Variants in CDC14B observed in about 807,000 individuals in gnomAD.
The protein encoded by CDC14B is dual specificity protein phosphatase CDC14B.
CDC14B carries 22 observed loss-of-function variants against 64.2 expected under a neutral mutation model. The observed-to-expected ratio is 0.34, with a 90% CI of 0.24 to 0.49. The LOEUF (loss-of-function observed/expected upper bound fraction) is 0.49. CDC14B is among the 20% of genes least tolerant of loss of function. The pLI, the probability that CDC14B is intolerant of heterozygous loss-of-function variation, is 0.99. For missense variants in CDC14B, 498 were observed against 629.9 expected (o/e 0.79, Z 2.24); for synonymous variants, 191 against 215.8 (o/e 0.89, Z 1.01).
chr9:96,578,858 G>A (rs1844965305), intron 1 of CDC14B, among the ~76,000 whole-genome samples: 1 of 152,146 alleles, frequency 6.6e-6, no homozygotes, highest in Non-Finnish European at 1.5e-5. Flanking sequence ...TCACTCTGTT[G>A]CCCAGGCTGG....
At chr9:96,600,088 AAAT>A (rs1846334828) in intron 1 of CDC14B, among the ~76,000 whole-genome samples, 2 of 152,028 alleles carry the variant, frequency 1.3e-5, no homozygotes, top group South Asian at 2.1e-4. Flanking sequence ...AAAAAGGGTA[AAAT>A]AATAACTTTT....
At chr9:96,596,379 A>C (rs75179348) in intron 1 of CDC14B, among the ~76,000 whole-genome samples, 9 of 150,654 alleles carry the variant, frequency 6.0e-5, no homozygotes, top group South Asian at 2.1e-4. Flanking sequence ...AAAAAAAAAA[A>C]ACACACAAAA....
chr9:96,559,299 A>G (rs1285926345), intron 4 of CDC14B, among the ~76,000 whole-genome samples: 1 of 152,262 alleles, frequency 6.6e-6, no homozygotes, highest in African/African-American at 2.4e-5. Flanking sequence ...AAAAATAAAC[A>G]GAGTCAGTCT....
chr9:96,592,968 CTT>C (rs1845870395), intron 1 of CDC14B, among the ~76,000 whole-genome samples: 1 of 152,088 alleles, frequency 6.6e-6, no homozygotes, highest in African/African-American at 2.4e-5. Context: ...ACTCCTCAGT[CTT>C]TAATTTCTAA....
chr9:96,606,571 G>A (rs925830912), intron 1 of CDC14B, among the ~76,000 whole-genome samples: 3 of 146,586 alleles, frequency 2.0e-5, no homozygotes, highest in Non-Finnish European at 4.5e-5. Flanking sequence ...GTGTGTGTGT[G>A]TGTGTGTTTC....
chr9:96,527,435 C>T (rs897361677), intron 9 of CDC14B, among the ~76,000 whole-genome samples: 1 of 151,990 alleles, frequency 6.6e-6, no homozygotes, highest in Admixed American at 6.6e-5. Context: ...TTGGTTAATT[C>T]GGAAACTTGT....
At chr9:96,598,159 T>G (rs1477936973) in intron 1 of CDC14B, among the ~76,000 whole-genome samples, 1 of 152,198 alleles carries the variant, frequency 6.6e-6, no homozygotes, top group East Asian at 1.9e-4. Context: ...GCATAAAAAT[T>G]GGAAACAGCC....
In CDC14B at chr9:96,619,401, G is replaced by A; in HGVS notation, c.-23C>T. On this transcript the variant is annotated 5_prime_UTR_variant, in exon 1 of 14. Transcript: ENST00000375241. Reference sequence around the variant, plus strand: ...CATGGAGGCGGCCGCGGCCCGTCAGGGGGCCACGACCATGGCCCCGCGCGC... The same window carrying A: ...CATGGAGGCGGCCGCGGCCCGTCAGAGGGCCACGACCATGGCCCCGCGCGC... 8.5e-7 allele frequency: 1 copy of A among 1,170,604 alleles called. No individual in the cohort carries two copies. Among genetic ancestry groups the A allele is most frequent in the Middle Eastern group, 3.5e-4 (1 of 2,876 alleles). The allele number at this position is 1,170,604 out of a possible 1,614,324, so 72.5% of individuals were successfully genotyped here.
intron 1 of CDC14B, chr9:96,566,677 A>G: frequency 7.8e-7 from 1 of 1,289,538 alleles, no homozygotes; most frequent in East Asian, 2.5e-5. Context: ...GCCGGGGCCC[A>G]GACTAGGGGC....
rs57056796 is a variant in CDC14B at position 96,574,697 on chromosome 9, C to CAAAA, written c.161-9218_161-9215dup. Among the ~76,000 whole-genome samples, 101 of 49,260 alleles carry CAAAA rather than the reference C, an allele frequency of 2.1e-3. 7 individuals carry two copies. Among genetic ancestry groups the CAAAA allele is most frequent in the African/African-American group, 4.4e-3 (52 of 11,870 alleles). 32.3% of individuals were successfully genotyped at this position (49,260 alleles called of 152,430 possible). The stretch of plus-strand genomic sequence containing the variant: ...GCAACAAGAGCGAAACTCGGTCTCA[C>CAAAA]AAAAAAAAAAAAAAAAAAAAAAGAT... On this transcript the variant is annotated intron_variant, in intron 1 of 13. Coordinates refer to ENST00000375241, the MANE Select transcript of CDC14B (RefSeq NM_033331.4).
chr9:96,540,435 C>T (rs1362120318), intron 6 of CDC14B, among the ~76,000 whole-genome samples: 2 of 151,922 alleles, frequency 1.3e-5, no homozygotes, highest in Non-Finnish European at 2.9e-5. Flanking sequence ...GAGTTTGAGA[C>T]CAGCCTAGGC....
chr9:96,529,220 T>C (rs1222801557), intron 9 of CDC14B, among the ~76,000 whole-genome samples: 1 of 152,210 alleles, frequency 6.6e-6, no homozygotes, highest in African/African-American at 2.4e-5. Context: ...TTAAGTCCTA[T>C]ATTTAGGTCC....
chr9:96,571,222 C>A (rs1844450482), intron 1 of CDC14B, among the ~76,000 whole-genome samples: 1 of 150,596 alleles, frequency 6.6e-6, no homozygotes, highest in African/African-American at 2.5e-5. Flanking sequence ...TGTTGTCAGG[C>A]TGGAGTGCAG....
At chr9:96,590,295 T>A (rs573216597) in intron 1 of CDC14B, among the ~76,000 whole-genome samples, 1 of 152,204 alleles carries the variant, frequency 6.6e-6, no homozygotes, top group Non-Finnish European at 1.5e-5. Context: ...TGAAGCTTCA[T>A]CCATGTTGTA....
intron 1 of CDC14B, among the ~76,000 whole-genome samples, chr9:96,583,831 G>A (rs1845316312): frequency 6.6e-6 from 1 of 152,108 alleles, no homozygotes; most frequent in Non-Finnish European, 1.5e-5. Context: ...CCATTCTCCT[G>A]CCTCAGCCTT....
At chr9:96,592,286 C>T (rs1221382156) in intron 1 of CDC14B, among the ~76,000 whole-genome samples, 11 of 152,084 alleles carry the variant, frequency 7.2e-5, no homozygotes. Flanking sequence ...CTATGTTGCC[C>T]AGGCTGGTCT....
At position 96,541,573 on chromosome 9, in the gene CDC14B, G is replaced by A. The variant is rs559513653; in HGVS notation, c.564+253C>T. On this transcript the variant is annotated intron_variant, in intron 6 of 13. Coordinates refer to ENST00000375241, the MANE Select transcript of CDC14B (RefSeq NM_033331.4). The stretch of plus-strand genomic sequence containing the variant: ...CCAATTCTGGATCTAGAACCTAATC[G>A]TATAACTCTTATTTTCCCTGTTTCT... 1.5e-4 allele frequency among the ~76,000 whole-genome samples: 23 copies of A among 152,212 alleles called. No individual in the cohort carries two copies. The South Asian group carries it at 4.4e-3, about 29-fold the overall frequency.
At chr9:96,550,919 G>A (rs745317169) in intron 5 of CDC14B, among the ~76,000 whole-genome samples, 1 of 152,090 alleles carries the variant, frequency 6.6e-6, no homozygotes, top group African/African-American at 2.4e-5. Context: ...AAGTGGTACT[G>A]CATTAGCAAC....
chr9:96,524,048 T>C (rs1837192323), intron 9 of CDC14B, among the ~76,000 whole-genome samples: 1 of 152,186 alleles, frequency 6.6e-6, no homozygotes, highest in Non-Finnish European at 1.5e-5. Flanking sequence ...GCAATTCTCC[T>C]ACCTCAGCCT....
Sources: gnomAD v4.1 joint callset for allele counts (sites outside exome capture counted in the v4.1 genomes callset) on GRCh38, gnomAD v4.1.1 for gene constraint, MANE v1.5 for transcripts, NCBI Gene and HGNC (gene_info 2026-07-23, HGNC 2026-07-21) for gene names.